The following GOLM2 variants were observed in gnomAD, a reference collection of about 807,000 sequenced individuals.
GOLM2 encodes golgi membrane protein 2, also known as protein GOLM2.
GOLM2 carries 26 observed loss-of-function variants against 55.9 expected under a neutral mutation model. That is an observed-to-expected ratio of 0.47 (90% CI 0.34 to 0.65). The LOEUF is 0.65. Among genes scored for constraint, GOLM2 ranks in the 30% least tolerant of loss-of-function variants. The probability of loss-of-function intolerance (pLI) is 0.01; values close to 1 mark genes in which losing one functional copy is unlikely to be tolerated. For missense variants in GOLM2, 486 were observed against 531.8 expected (o/e 0.91, Z 0.85); for synonymous variants, 165 against 194.6 (o/e 0.85, Z 1.27).
At chr15:44,378,955 C>G (rs781043347) in intron 6 of GOLM2, among the ~76,000 whole-genome samples, 1 of 152,106 alleles carries the variant, frequency 6.6e-6, no homozygotes, top group African/African-American at 2.4e-5. Flanking sequence ...CCTTGTTGGC[C>G]AAGCTGATCT....
chr15:44,289,121 AC>A lies in GOLM2; in HGVS notation c.93del (p.Tyr32ThrfsTer95). On this transcript the variant is annotated frameshift_variant, in exon 1 of 10. Coordinates refer to ENST00000299957, the MANE Select transcript of GOLM2 (RefSeq NM_138423.4). LOFTEE classifies it high-confidence loss of function. This position sits in a 1 kb window ranked among gnomAD's most constrained non-coding sequence, Gnocchi z 4.8. ...GTGGTGATCGTCGTCCTCGCCTTCA[AC>A]TACTGGAGCATCTCCTCCCGCCACG... The part of the protein sequence containing the change: ...LLVVIVVLAF[N>X]YWSISSRHVL... 1 of 1,614,126 alleles carries A rather than the reference AC, an allele frequency of 6.2e-7. No individual in the cohort carries two copies. The highest frequency in any genetic ancestry group is 1.3e-5 in the African/African-American group (1 of 75,044).
chr15:44,343,352 A>G (rs955403644), intron 6 of GOLM2, among the ~76,000 whole-genome samples: 5 of 149,204 alleles, frequency 3.4e-5, no homozygotes, highest in African/African-American at 9.8e-5. Flanking sequence ...TGTTGTTGTT[A>G]TTATTATTTC....
intron 1 of GOLM2, among the ~76,000 whole-genome samples, chr15:44,311,364 T>G (rs1001488553): frequency 6.6e-6 from 1 of 152,118 alleles, no homozygotes; most frequent in Non-Finnish European, 1.5e-5. Flanking sequence ...TGCCTCCAAT[T>G]AAAGAGGCAT....
intron 9 of GOLM2, among the ~76,000 whole-genome samples, chr15:44,412,608 T>A (rs574909347): frequency 1.3e-5 from 2 of 152,204 alleles, no homozygotes; most frequent in Non-Finnish European, 2.9e-5. Flanking sequence ...GATACTTTTA[T>A]AATTTAGAAA....
At chr15:44,378,405 C>T (rs748363718) in intron 6 of GOLM2, among the ~76,000 whole-genome samples, 85 of 148,944 alleles carry the variant, frequency 5.7e-4, no homozygotes, top group Non-Finnish European at 1.1e-3. Flanking sequence ...TCGCCCAGGC[C>T]GCAGTGCAGT....
rs895883529 is a variant in GOLM2, at chr15:44,318,230, A to T, written c.328-4735A>T. 9.8e-5 allele frequency among the ~76,000 whole-genome samples: 15 copies of T among 152,338 alleles called. 1 individual carries two copies. The highest frequency in any genetic ancestry group is 7.8e-4 in the Admixed American group (12 of 15,296). On this transcript the variant is annotated intron_variant, in intron 1 of 9. Coordinates refer to ENST00000299957, the MANE Select transcript of GOLM2 (RefSeq NM_138423.4). ...GATTTTTTCCTTCAGCTATTTAAAA[A>T]AAAATGTAACAGTCATCCTTAGCTT...
At chr15:44,295,026 T>C (rs867105940) in intron 1 of GOLM2, among the ~76,000 whole-genome samples, 2 of 152,162 alleles carry the variant, frequency 1.3e-5, no homozygotes, top group Non-Finnish European at 2.9e-5. Context: ...TTCACATTAT[T>C]ATGCCATTCT....
chr15:44,334,642 T>G (rs2079044242), intron 4 of GOLM2, among the ~76,000 whole-genome samples: 1 of 152,212 alleles, frequency 6.6e-6, no homozygotes, highest in Non-Finnish European at 1.5e-5. Context: ...AAAATTTTAT[T>G]GAGACACAGC....
chr15:44,405,707 G>T (rs1397786079), intron 9 of GOLM2, among the ~76,000 whole-genome samples: 1 of 151,880 alleles, frequency 6.6e-6, no homozygotes, highest in African/African-American at 2.4e-5. Flanking sequence ...TGCAACCTCT[G>T]CTTCCTAGGT....
chr15:44,310,510 A>C (rs1051775300), intron 1 of GOLM2, among the ~76,000 whole-genome samples: 27 of 149,148 alleles, frequency 1.8e-4, no homozygotes, highest in Admixed American at 6.0e-4. Flanking sequence ...ACCCACACAC[A>C]CACACACACA....
chr15:44,366,370 C>T (rs1445544536), intron 6 of GOLM2, among the ~76,000 whole-genome samples: 1 of 151,566 alleles, frequency 6.6e-6, no homozygotes, highest in African/African-American at 2.4e-5. Context: ...TAAAGAGAGG[C>T]CAGGCTCATA....
intron 8 of GOLM2, among the ~76,000 whole-genome samples, chr15:44,395,490 A>G (rs1236434777): frequency 6.7e-6 from 1 of 150,108 alleles, no homozygotes; most frequent in African/African-American, 2.4e-5. Flanking sequence ...TTATTCTCTT[A>G]TTTTCTACTG....
intron 6 of GOLM2, among the ~76,000 whole-genome samples, chr15:44,368,380 A>G (rs1321389726): frequency 6.8e-6 from 1 of 147,754 alleles, no homozygotes; most frequent in East Asian, 2.0e-4. Flanking sequence ...TTGAACTCCT[A>G]ACCTCAAGTG....
intron 2 of GOLM2, among the ~76,000 whole-genome samples, chr15:44,326,679 T>C (rs898560102): frequency 6.6e-6 from 1 of 150,490 alleles, no homozygotes; most frequent in African/African-American, 2.4e-5. Flanking sequence ...TGAGACGGAT[T>C]CTCGCTCTGT....
intron 6 of GOLM2, among the ~76,000 whole-genome samples, chr15:44,338,957 A>C (rs916279875): frequency 2.0e-5 from 3 of 151,554 alleles, no homozygotes; most frequent in African/African-American, 7.3e-5. Flanking sequence ...TTTTCTTGCC[A>C]TATCTATGTT....
At chr15:44,333,528 G>T (rs2079036200) in intron 4 of GOLM2, among the ~76,000 whole-genome samples, 1 of 152,118 alleles carries the variant, frequency 6.6e-6, no homozygotes, top group Non-Finnish European at 1.5e-5. Flanking sequence ...AGGATGGATT[G>T]GTGGACGAAG....
intron 1 of GOLM2, among the ~76,000 whole-genome samples, chr15:44,297,621 G>C (rs2078765657): frequency 6.7e-6 from 1 of 150,308 alleles, no homozygotes. Context: ...GAGTGCAGTG[G>C]TGTGATCTTG....
intron 6 of GOLM2, chr15:44,355,154 A>T (rs142075464): frequency 4.2e-4 from 83 of 199,430 alleles, no homozygotes; most frequent in African/African-American, 1.8e-3. Context: ...CCAACTGCTT[A>T]GCATTCTCTG....
At chr15:44,363,744 G>A (rs552743188) in intron 6 of GOLM2, among the ~76,000 whole-genome samples, 11 of 151,228 alleles carry the variant, frequency 7.3e-5, no homozygotes, top group Non-Finnish European at 1.5e-4. Flanking sequence ...ACATGCACAC[G>A]TATGTTTATT....
Sources: gnomAD v4.1 joint callset for allele counts (sites outside exome capture counted in the v4.1 genomes callset) on GRCh38, gnomAD v4.1.1 for gene constraint, Gnocchi (gnomAD v3.1) non-coding constraint, MANE v1.5 for transcripts, NCBI Gene and HGNC (gene_info 2026-07-23, HGNC 2026-07-21) for gene names.